Variants in ANKS1B observed in about 807,000 individuals in gnomAD.
The protein encoded by ANKS1B is ankyrin repeat and sterile alpha motif domain-containing protein 1B.
In ANKS1B, 36 loss-of-function variants were observed where a neutral mutation model predicts 148.3. The ratio of observed to expected loss-of-function variants is 0.24; its 90% CI spans 0.19 to 0.32. ANKS1B has a LOEUF of 0.32. ANKS1B is among the 10% of genes least tolerant of loss of function. The pLI, the probability that ANKS1B is intolerant of heterozygous loss-of-function variation, is 1.00. For synonymous variants in ANKS1B, 542 were observed against 560.8 expected (o/e 0.97, Z 0.47); for missense variants, 1,157 against 1,542.6 (o/e 0.75, Z 4.19).
intron 10 of ANKS1B, among the ~76,000 whole-genome samples, chr12:99,501,783 G>A (rs1467735794): frequency 6.6e-6 from 1 of 152,132 alleles, no homozygotes; most frequent in Non-Finnish European, 1.5e-5. Context: ...CAGGACAAAT[G>A]TGACTTTAGT....
At chr12:99,682,560 A>T (rs1440174047) in intron 8 of ANKS1B, among the ~76,000 whole-genome samples, 1 of 152,222 alleles carries the variant, frequency 6.6e-6, no homozygotes, top group African/African-American at 2.4e-5. Flanking sequence ...CGAACTGAAC[A>T]ATAATAGTGA....
At chr12:98,807,332 C>G (rs2099058227) in intron 20 of ANKS1B, among the ~76,000 whole-genome samples, 1 of 152,032 alleles carries the variant, frequency 6.6e-6, no homozygotes, top group Admixed American at 6.6e-5. Context: ...CGTGCCTCTC[C>G]CAGCTCACCT....
intron 10 of ANKS1B, among the ~76,000 whole-genome samples, chr12:99,497,148 T>G (rs962027788): frequency 6.6e-6 from 1 of 152,234 alleles, no homozygotes; most frequent in Non-Finnish European, 1.5e-5. Context: ...AATGGTGTAG[T>G]GTTTACATAT....
chr12:99,358,411 C>T (rs2092209909), intron 12 of ANKS1B, among the ~76,000 whole-genome samples: 1 of 152,134 alleles, frequency 6.6e-6, no homozygotes. Context: ...GTTGATGCTT[C>T]CCCTATAAAA....
chr12:98,974,955 T>C (rs536849753), intron 17 of ANKS1B, among the ~76,000 whole-genome samples: 12 of 145,824 alleles, frequency 8.2e-5, no homozygotes, highest in African/African-American at 3.0e-4. Flanking sequence ...CCTTCATTTC[T>C]TCCTTCTTTC....
intron 16 of ANKS1B, among the ~76,000 whole-genome samples, chr12:99,059,438 G>A (rs2041583272): frequency 6.6e-6 from 1 of 152,254 alleles, no homozygotes; most frequent in South Asian, 2.1e-4. Context: ...TCCATGTTAT[G>A]AAAACTAAGG....
At chr12:99,862,203 T>G (rs937004571) in intron 1 of ANKS1B, among the ~76,000 whole-genome samples, 6 of 152,110 alleles carry the variant, frequency 3.9e-5, no homozygotes, top group Non-Finnish European at 7.4e-5. Context: ...TCACACACAA[T>G]ATGCTTCCAA....
intron 1 of ANKS1B, among the ~76,000 whole-genome samples, chr12:99,924,813 A>G (rs2153801620): frequency 6.6e-6 from 1 of 152,296 alleles, no homozygotes; most frequent in East Asian, 1.9e-4. Context: ...AGTCAATGGT[A>G]TCTTATTATA....
At chr12:99,740,069 G>A (rs2153579585) in intron 8 of ANKS1B, among the ~76,000 whole-genome samples, 1 of 152,276 alleles carries the variant, frequency 6.6e-6, no homozygotes, top group South Asian at 2.1e-4. Context: ...CAGCACTTTT[G>A]GAGACAGAGG....
chr12:99,002,626 T>C (rs2099933728), intron 17 of ANKS1B, among the ~76,000 whole-genome samples: 2 of 152,080 alleles, frequency 1.3e-5, no homozygotes, highest in African/African-American at 2.4e-5. Context: ...ATGTTGGCCA[T>C]TTGTATGTCT....
chr12:99,207,178 A>G (rs2082773770), intron 14 of ANKS1B, among the ~76,000 whole-genome samples: 1 of 152,136 alleles, frequency 6.6e-6, no homozygotes, highest in Non-Finnish European at 1.5e-5. Flanking sequence ...TAATCAATAT[A>G]CCAAAGTGAC....
intron 17 of ANKS1B, among the ~76,000 whole-genome samples, chr12:98,870,897 TG>T (rs1238963480): frequency 2.0e-5 from 3 of 152,230 alleles, no homozygotes; most frequent in Admixed American, 6.5e-5. Context: ...TAGATGATTT[TG>T]TAAGAGGAGA....
intron 15 of ANKS1B, among the ~76,000 whole-genome samples, chr12:99,130,665 C>T (rs1384730076): frequency 1.3e-5 from 2 of 152,132 alleles, no homozygotes; most frequent in African/African-American, 4.8e-5. Flanking sequence ...AGTGTGCTTA[C>T]TCCCCACATT....
intron 9 of ANKS1B, among the ~76,000 whole-genome samples, chr12:99,637,894 G>C (rs1411087291): frequency 1.3e-5 from 2 of 151,434 alleles, no homozygotes; most frequent in Non-Finnish European, 2.9e-5. Flanking sequence ...GAGAGATCCT[G>C]TTAGTTCTGT....
At chr12:99,093,176 G>A (rs1448963234) in intron 15 of ANKS1B, among the ~76,000 whole-genome samples, 1 of 152,212 alleles carries the variant, frequency 6.6e-6, no homozygotes, top group Admixed American at 6.5e-5. Context: ...CATAGGGAGT[G>A]ACTGCCAGAG....
intron 17 of ANKS1B, among the ~76,000 whole-genome samples, chr12:98,841,861 A>G (rs201395): frequency 0.4 from 59,611 of 150,746 alleles, 13,870 homozygotes; most frequent in South Asian, 0.62. Context: ...GTCACATCAC[A>G]GAGTAGAGCT....
intron 17 of ANKS1B, among the ~76,000 whole-genome samples, chr12:98,946,939 CAAAAAAAAAAAA>C (rs57197334): frequency 3.9e-4 from 16 of 41,558 alleles, no homozygotes; most frequent in African/African-American, 1.1e-3. Flanking sequence ...GATCTTTTCT[CAAAAAAAAAAAA>C]AAAAAAAAAA....
chr12:98,782,609 C>T (rs2098748666), intron 22 of ANKS1B, among the ~76,000 whole-genome samples: 1 of 152,222 alleles, frequency 6.6e-6, no homozygotes, highest in Admixed American at 6.5e-5. Context: ...ACTTCAATTG[C>T]ATCTTTTAGT....
In ANKS1B at chr12:99,541,068, A is replaced by C. The variant is rs550537678; in HGVS notation, c.1273-36427T>G. On this transcript the variant is annotated intron_variant, in intron 9 of 26. Transcript: ENST00000683438. Reference sequence around the variant, plus strand: ...ACAAAATCCTACCAAAACTGACTTAAGAAAAAATAAAAATATCTGCGTAGA... The same window carrying C: ...ACAAAATCCTACCAAAACTGACTTACGAAAAAATAAAAATATCTGCGTAGA... 4.6e-5 allele frequency among the ~76,000 whole-genome samples: 7 copies of C among 152,290 alleles called. No homozygotes were observed. In the East Asian group the frequency reaches 9.6e-4, roughly 21 times the overall value.
Sources: gnomAD v4.1 joint callset for allele counts (sites outside exome capture counted in the v4.1 genomes callset) on GRCh38, gnomAD v4.1.1 for gene constraint, MANE v1.5 for transcripts, NCBI Gene and HGNC (gene_info 2026-07-23, HGNC 2026-07-21) for gene names.